Variants in HNRNPR observed in about 807,000 individuals in gnomAD.
HNRNPR encodes the protein heterogeneous nuclear ribonucleoprotein R.
In HNRNPR, 4 loss-of-function variants were observed where a neutral mutation model predicts 70.3. The ratio of observed to expected loss-of-function variants is 0.06; its 90% confidence interval spans 0.03 to 0.13. The LOEUF (loss-of-function observed/expected upper bound fraction) is 0.13, where lower values mean the gene tolerates loss of function less well. HNRNPR is among the 10% of genes least tolerant of loss of function. The pLI is 1.00. For synonymous variants in HNRNPR, 241 were observed against 267.6 expected (o/e 0.90, Z 0.97); for missense variants, 423 against 788.5 (o/e 0.54, Z 5.55).
At position 23,306,204 on chromosome 1, in the gene HNRNPR, A is replaced by T. The variant is rs1228192300; in HGVS notation, c.*4250T>A. On this transcript the variant is annotated 3_prime_UTR_variant, in exon 11 of 11. Transcript: ENST00000302271. ...TACCCTGAGTATTTCATTACTTCAT[A>T]CTTGCAGGCCTTTCCTGCTGATCTG... 3 of 152,140 alleles carry T rather than the reference A, an allele frequency of 2.0e-5. No individual in the cohort carries two copies. The highest frequency in any genetic ancestry group is 4.4e-5 in the Non-Finnish European group (3 of 68,014). The allele number at this position is 152,140 out of a possible 1,614,324, so 9.4% of individuals were successfully genotyped here. A position where few individuals can be genotyped will look rare whatever the true frequency, so the allele number is the denominator to read the frequency against.
rs1570116185 is a variant in HNRNPR at position 23,337,737 on chromosome 1, C to T, written c.384+17G>A. On this transcript the variant is annotated intron_variant, in intron 4 of 10. Coordinates refer to ENST00000302271, the MANE Select transcript of HNRNPR (RefSeq NM_005826.5). ...ATTAAATGCAATTTCATTACAACTA[C>T]CCAAGTCAAGTTTTACCTTGATCTT... is the stretch of plus-strand genomic sequence containing the variant. 2.0e-6 allele frequency: 3 copies of T among 1,471,736 alleles called. No homozygotes were observed. The highest frequency in any genetic ancestry group is 2.8e-6 in the Non-Finnish European group (3 of 1,058,318). The allele number at this position is 1,471,736 out of a possible 1,614,324, so 91.2% of individuals were successfully genotyped here. A position where few individuals can be genotyped will look rare whatever the true frequency, so the allele number is the denominator to read the frequency against.
At chr1:23,333,239 C>T (rs1220659914) in intron 5 of HNRNPR, among the ~76,000 whole-genome samples, 1 of 152,096 alleles carries the variant, frequency 6.6e-6, no homozygotes, top group African/African-American at 2.4e-5. Flanking sequence ...AATAACTTTA[C>T]TCCAAGTATC....
At chr1:23,335,549 G>C (rs1282145365) in intron 4 of HNRNPR, among the ~76,000 whole-genome samples, 1 of 152,226 alleles carries the variant, frequency 6.6e-6, no homozygotes, top group African/African-American at 2.4e-5. Flanking sequence ...CCTCCTGTCA[G>C]ATCAGCAGCC....
Position 23,313,718 on chromosome 1 carries a change from TAAAC to T in HNRNPR, c.1018-20_1018-17del, listed in dbSNP as rs780318285. 1.9e-6 allele frequency: 3 copies of T among 1,598,076 alleles called. No individual in the cohort carries two copies. The highest frequency in any genetic ancestry group is 1.4e-5 in the African/African-American group (1 of 73,794). ...AAACTTTTACCTAGTAAGCAACAAATAAACAAAACCGTCATTGGCTACTTAATTT... is the reference window on the plus strand; with the variant it reads ...AAACTTTTACCTAGTAAGCAACAAATAAAACCGTCATTGGCTACTTAATTT... On this transcript the variant is annotated splice_polypyrimidine_tract_variant and intron_variant, in intron 8 of 10. Transcript: ENST00000302271.
chr1:23,327,342 C>T (rs1400631699), intron 5 of HNRNPR, among the ~76,000 whole-genome samples: 2 of 152,184 alleles, frequency 1.3e-5, no homozygotes, highest in Admixed American at 6.5e-5. Flanking sequence ...CTACCACAGA[C>T]AAGGTCTAGG....
At chr1:23,317,928 C>A (rs563931817) in intron 8 of HNRNPR, among the ~76,000 whole-genome samples, 29 of 150,506 alleles carry the variant, frequency 1.9e-4, no homozygotes, top group African/African-American at 7.1e-4. Flanking sequence ...TGCAGTGAGC[C>A]GAGATCGTAC....
At chr1:23,340,758 C>T in intron 2 of HNRNPR, 94 bp downstream of exon 2, 1 of 1,016,430 alleles carries the variant, frequency 9.8e-7, no homozygotes, top group South Asian at 1.7e-5. Context: ...AGATCAGAAA[C>T]AATAAGTATT....
At chr1:23,316,204 C>T (rs1403012619) in intron 8 of HNRNPR, among the ~76,000 whole-genome samples, 2 of 152,098 alleles carry the variant, frequency 1.3e-5, no homozygotes, top group Non-Finnish European at 2.9e-5. Context: ...ACCCGGGAGG[C>T]TGAAGCAGGA....
At chr1:23,336,929 G>T (rs900272508) in intron 4 of HNRNPR, among the ~76,000 whole-genome samples, 1 of 152,030 alleles carries the variant, frequency 6.6e-6, no homozygotes, top group Non-Finnish European at 1.5e-5. Flanking sequence ...ATGGTTCATG[G>T]TTATATAGTT....
intron 2 of HNRNPR, among the ~76,000 whole-genome samples, chr1:23,339,073 A>C (rs563123125): frequency 9.8e-4 from 150 of 152,386 alleles, no homozygotes; most frequent in African/African-American, 3.5e-3. Flanking sequence ...ATCTGAAAAC[A>C]AATTTTACTA....
At chr1:23,331,216 C>T (rs532787694) in intron 5 of HNRNPR, among the ~76,000 whole-genome samples, 126 of 152,156 alleles carry the variant, frequency 8.3e-4, no homozygotes, top group African/African-American at 3.0e-3. Context: ...TAAGAGAATG[C>T]GTATGTGTTT....
intron 5 of HNRNPR, among the ~76,000 whole-genome samples, chr1:23,333,221 G>A (rs1489598380): frequency 3.3e-5 from 5 of 151,964 alleles, no homozygotes; most frequent in East Asian, 1.9e-4. Flanking sequence ...AAGCAATTGC[G>A]TCTTCCAAAT....
rs146012849 is a variant in HNRNPR at position 23,329,432 on chromosome 1, T to C, written c.498+4086A>G. Among the ~76,000 whole-genome samples, 475 of 152,332 alleles carry C rather than the reference T, an allele frequency of 3.1e-3. 2 individuals are homozygous for C. The South Asian group carries it at 0.037, about 12-fold the overall frequency. ...TAGTCTCTGAGTCATTCTGGATCCA[T>C]GTGAGCCCTTTCAGAGCAAGCACTC... On this transcript the variant is annotated intron_variant, in intron 5 of 10. Transcript: ENST00000302271.
At chr1:23,340,778 T>C (rs1646680202) in intron 2 of HNRNPR, 74 bp downstream of exon 2, 1 of 1,234,212 alleles carries the variant, frequency 8.1e-7, no homozygotes, top group African/African-American at 1.5e-5. Flanking sequence ...TATTTAACCT[T>C]AAAAAACTAT....
At chr1:23,326,999 T>C (rs1279216954) in intron 5 of HNRNPR, among the ~76,000 whole-genome samples, 1 of 152,172 alleles carries the variant, frequency 6.6e-6, no homozygotes, top group Non-Finnish European at 1.5e-5. Flanking sequence ...AAACCCAGCC[T>C]TGTCAACTGG....
In HNRNPR at chr1:23,307,363, T is replaced by C. The variant is rs996900568; in HGVS notation, c.*3091A>G. 7.9e-5 allele frequency: 12 copies of C among 152,020 alleles called. No homozygotes were observed. The highest frequency in any genetic ancestry group is 5.2e-4 in the Admixed American group (8 of 15,264). The allele number at this position is 152,020 out of a possible 1,614,324, so 9.4% of individuals were successfully genotyped here. A position where few individuals can be genotyped will look rare whatever the true frequency, so the allele number is the denominator to read the frequency against. On this transcript the variant is annotated 3_prime_UTR_variant, in exon 11 of 11. Transcript: ENST00000302271. ...CTTTTAGAATTTAAAATATATAATT[T>C]ATTTTTTTGCATGCTGACCTTTTTA... is the stretch of plus-strand genomic sequence containing the variant.
At chr1:23,329,995 C>G (rs1052618121) in intron 5 of HNRNPR, among the ~76,000 whole-genome samples, 2 of 152,118 alleles carry the variant, frequency 1.3e-5, no homozygotes, top group African/African-American at 4.8e-5. Context: ...CATTTGCTAT[C>G]TTGCAAATAT....
chr1:23,338,641 G>T, intron 2 of HNRNPR, 33 bp from the exon 3 acceptor site: 1 of 1,035,182 alleles, frequency 9.7e-7, no homozygotes, highest in Non-Finnish European at 1.5e-6. Context: ...TAACGTTATT[G>T]CAACAAAAGG....
chr1:23,336,042 G>A (rs552022972), intron 4 of HNRNPR, among the ~76,000 whole-genome samples: 8 of 140,018 alleles, frequency 5.7e-5, no homozygotes, highest in South Asian at 4.6e-4. Flanking sequence ...GCGTGAACCC[G>A]GGAGGCGGAG....
Sources: gnomAD v4.1 joint callset for allele counts (sites outside exome capture counted in the v4.1 genomes callset) on GRCh38, gnomAD v4.1.1 for gene constraint, MANE v1.5 for transcripts, NCBI Gene and HGNC (gene_info 2026-07-23, HGNC 2026-07-21) for gene names.